Variants in PPP2R5A observed in about 807,000 individuals in gnomAD.
PPP2R5A encodes serine/threonine-protein phosphatase 2A 56 kDa regulatory subunit alpha isoform.
PPP2R5A carries 25 observed loss-of-function variants against 64.2 expected under a neutral mutation model. That is an observed-to-expected ratio of 0.39 (90% CI 0.28 to 0.54). The LOEUF (loss-of-function observed/expected upper bound fraction) is 0.54, where lower values mean the gene tolerates loss of function less well. Among genes scored for constraint, PPP2R5A ranks in the 20% least tolerant of loss-of-function variants. The pLI, the probability that PPP2R5A is intolerant of heterozygous loss-of-function variation, is 0.67. For synonymous variants in PPP2R5A, 198 were observed against 201.2 expected (o/e 0.98, Z 0.13); for missense variants, 425 against 576.3 (o/e 0.74, Z 2.69).
chr1:212,356,292 C>T (rs1313003876), intron 8 of PPP2R5A, among the ~76,000 whole-genome samples: 3 of 152,090 alleles, frequency 2.0e-5, no homozygotes, highest in Non-Finnish European at 4.4e-5. Context: ...GTAGCACATA[C>T]TATTAAATTG....
intron 1 of PPP2R5A, among the ~76,000 whole-genome samples, chr1:212,292,970 G>A (rs1658629961): frequency 6.6e-6 from 1 of 152,134 alleles, no homozygotes; most frequent in African/African-American, 2.4e-5. Flanking sequence ...TCTGTTTTTG[G>A]TTGTGCCAGT....
chr1:212,349,011 T>A (rs912921118), intron 7 of PPP2R5A, among the ~76,000 whole-genome samples, 178 bp from the exon 8 acceptor site: 1 of 152,146 alleles, frequency 6.6e-6, no homozygotes, highest in African/African-American at 2.4e-5. Flanking sequence ...TACACAATTG[T>A]GAGTATAGTT....
chr1:212,360,520 G>T, intron 12 of PPP2R5A, 118 bp from the exon 13 acceptor site: 1 of 892,472 alleles, frequency 1.1e-6, no homozygotes. Flanking sequence ...CAAAGCTTTA[G>T]CAGAGGGATT....
intron 1 of PPP2R5A, among the ~76,000 whole-genome samples, chr1:212,323,230 C>T (rs1480079755): frequency 1.3e-5 from 2 of 152,160 alleles, no homozygotes; most frequent in East Asian, 3.8e-4. Flanking sequence ...TGCCTGATAG[C>T]ATTACTTTCT....
chr1:212,345,891 T>A lies in PPP2R5A; in HGVS notation c.662T>A (p.Leu221Ter). ...CGAATTTATGGGAAATTTCTTGGATTAAGAGCATTCATCAGAAAACAAATT... is the reference window on the plus strand; with the variant it reads ...CGAATTTATGGGAAATTTCTTGGATAAAGAGCATTCATCAGAAAACAAATT... The part of the protein sequence containing the change: ...LHRIYGKFLG[L>*]RAFIRKQINN... The change falls in exon 5 of 13, where the codon TTA becomes TAA. Residue 221 changes from leucine to a stop codon, truncating the protein, a stop_gained. Transcript: ENST00000261461. LOFTEE classifies it high-confidence loss of function. 2 of 1,610,522 alleles carry A rather than the reference T, an allele frequency of 1.2e-6. No homozygotes were observed. Among genetic ancestry groups the A allele is most frequent in the African/African-American group, 1.3e-5 (1 of 74,918 alleles).
intron 8 of PPP2R5A, among the ~76,000 whole-genome samples, chr1:212,355,730 A>G (rs1175702581): frequency 1.8e-4 from 28 of 152,038 alleles, no homozygotes; most frequent in Non-Finnish European, 2.9e-5. Context: ...CATTTCTGGA[A>G]TAAGTTACAA....
chr1:212,358,841 G>C, intron 12 of PPP2R5A, 54 bp downstream of exon 12: 1 of 1,430,976 alleles, frequency 7.0e-7, no homozygotes, highest in Admixed American at 1.7e-5. Flanking sequence ...TTAGTTGAAT[G>C]TGATTCAGTT....
At chr1:212,309,045 A>G in intron 1 of PPP2R5A, 1 of 765,634 alleles carries the variant, frequency 1.3e-6, no homozygotes. Context: ...AGCTAGACTC[A>G]GTTTAGATGA....
chr1:212,346,295 T>G (rs2102443324), intron 5 of PPP2R5A, among the ~76,000 whole-genome samples: 1 of 152,002 alleles, frequency 6.6e-6, no homozygotes, highest in East Asian at 1.9e-4. Flanking sequence ...TGTAACATAC[T>G]ATGTATGTTG....
chr1:212,295,012 AT>A (rs1313048321), intron 1 of PPP2R5A, among the ~76,000 whole-genome samples: 1 of 152,212 alleles, frequency 6.6e-6, no homozygotes, highest in African/African-American at 2.4e-5. Flanking sequence ...GATCTAGAAT[AT>A]AGGTTACATT....
Position 212,348,511 on chromosome 1 carries a change from A to G in PPP2R5A, c.873+14A>G, listed in dbSNP as rs1159401881. On this transcript the variant is annotated intron_variant, in intron 7 of 12. Coordinates refer to ENST00000261461, the MANE Select transcript of PPP2R5A (RefSeq NM_006243.4). The stretch of plus-strand genomic sequence containing the variant: ...TTTCATGCTCAGGTAAGTTTCAGAA[A>G]CATTTCAGATGAAATGAATATTATT... The G allele has an allele frequency of 6.7e-7, 1 of 1,493,942 alleles. No homozygotes were observed. Among genetic ancestry groups the G allele is most frequent in the East Asian group, 2.3e-5 (1 of 43,250 alleles). 92.5% of individuals were successfully genotyped at this position (1,493,942 alleles called of 1,614,324 possible).
intron 1 of PPP2R5A, among the ~76,000 whole-genome samples, chr1:212,321,083 C>T (rs1272695634): frequency 8.4e-6 from 1 of 119,694 alleles, no homozygotes; most frequent in African/African-American, 3.4e-5. Context: ...CCCCGCCTCC[C>T]TCCCGGACGG....
chr1:212,322,535 GT>G (rs1005198790), intron 1 of PPP2R5A, among the ~76,000 whole-genome samples: 1 of 151,994 alleles, frequency 6.6e-6, no homozygotes, highest in Non-Finnish European at 1.5e-5. Flanking sequence ...CTATAAAAAT[GT>G]TTTTGACCTA....
intron 1 of PPP2R5A, among the ~76,000 whole-genome samples, chr1:212,291,133 T>C (rs1345627543): frequency 3.3e-5 from 5 of 152,106 alleles, no homozygotes; most frequent in Non-Finnish European, 7.4e-5. Context: ...TTTTTCAGAC[T>C]GAGTCTCGCT....
chr1:212,287,345 C>G (rs55814152), intron 1 of PPP2R5A, among the ~76,000 whole-genome samples: 25,266 of 152,206 alleles, frequency 0.17, 2,548 homozygotes, highest in Middle Eastern at 0.3. Flanking sequence ...ATCTGATGTT[C>G]AGATTTTTCA....
At chr1:212,360,085 C>T (rs766108192) in intron 12 of PPP2R5A, among the ~76,000 whole-genome samples, 8 of 152,066 alleles carry the variant, frequency 5.3e-5, no homozygotes, top group South Asian at 2.1e-4. Context: ...TTAGTTGAAA[C>T]GACATATGAA....
chr1:212,346,799 A>G (rs189409521), intron 5 of PPP2R5A, among the ~76,000 whole-genome samples: 66 of 152,274 alleles, frequency 4.3e-4, no homozygotes, highest in Non-Finnish European at 7.6e-4. Context: ...GAGATGAGTA[A>G]TATCTGCCTC....
rs772801018 is a variant in PPP2R5A at position 212,302,051 on chromosome 1, T to A, written c.181+15760T>A. 1.9e-5 allele frequency: 29 copies of A among 1,528,300 alleles called. 1 individual carries two copies. The South Asian group carries it at 3.5e-4, about 18-fold the overall frequency. The allele number at this position is 1,528,300 out of a possible 1,614,324, so 94.7% of individuals were successfully genotyped here. A position where few individuals can be genotyped will look rare whatever the true frequency, so the allele number is the denominator to read the frequency against. ...CTCAGAAGTTTAGTTTATCACTGAT[T>A]TAATGAAGAAGGGCAAGAAGAGGAA... On this transcript the variant is annotated intron_variant, in intron 1 of 12. Transcript: ENST00000261461.
chr1:212,331,663 A>G (rs942106201), intron 2 of PPP2R5A: 3 of 152,154 alleles, frequency 2.0e-5, no homozygotes, highest in African/African-American at 7.2e-5. Flanking sequence ...CTGATTTCAA[A>G]TGGCTTATAT....
Sources: gnomAD v4.1 joint callset for allele counts (sites outside exome capture counted in the v4.1 genomes callset) on GRCh38, gnomAD v4.1.1 for gene constraint, MANE v1.5 for transcripts, NCBI Gene and HGNC (gene_info 2026-07-23, HGNC 2026-07-21) for gene names.